ATP8B4: variants seen among roughly 807,000 people sequenced by gnomAD.
The protein encoded by ATP8B4 is probable phospholipid-transporting ATPase IM.
Under a neutral mutation model 145.6 loss-of-function variants are expected in ATP8B4, and 133 were observed. The observed-to-expected ratio is 0.91, with a 90% CI of 0.79 to 1.05. The LOEUF (loss-of-function observed/expected upper bound fraction) is 1.05, where lower values mean the gene tolerates loss of function less well. Ranked by LOEUF, ATP8B4 falls within the 50% of genes least tolerant of loss-of-function variation. The pLI, the probability that ATP8B4 is intolerant of heterozygous loss-of-function variation, is 0.00. For synonymous variants in ATP8B4, 507 were observed against 492.9 expected (o/e 1.03, Z -0.38); for missense variants, 1,458 against 1,425.2 (o/e 1.02, Z -0.37).
intron 20 of ATP8B4, chr15:49,908,078 C>A (rs539548393): frequency 1.5e-5 from 7 of 456,038 alleles, no homozygotes; most frequent in African/African-American, 8.0e-5. Flanking sequence ...ATATGTCCAA[C>A]AGGGAAAACA....
chr15:50,026,067 T>C (rs368318675), intron 6 of ATP8B4, among the ~76,000 whole-genome samples: 17 of 152,240 alleles, frequency 1.1e-4, no homozygotes, highest in African/African-American at 4.1e-4. Flanking sequence ...TTAAAGTTCT[T>C]CTTCCTTACC....
chr15:49,929,507 C>T lies in ATP8B4; in HGVS notation c.1642+1612G>A, dbSNP rs72733102. 7.5e-3 allele frequency among the ~76,000 whole-genome samples: 1,142 copies of T among 152,098 alleles called. 8 individuals are homozygous for T. Among genetic ancestry groups the T allele is most frequent in the Non-Finnish European group, 0.013 (887 of 67,978 alleles). On this transcript the variant is annotated intron_variant, in intron 16 of 27. Transcript: ENST00000284509. ...ATCCAGTGACAGGACATAACGGAAG[C>T]TGAAAATGTGTGTTTGGACTCTAGA...
chr15:50,178,415 T>A (rs2044795647), intron 1 of ATP8B4, among the ~76,000 whole-genome samples: 1 of 152,256 alleles, frequency 6.6e-6, no homozygotes, highest in South Asian at 2.1e-4. Flanking sequence ...CAAACTTGTA[T>A]AAAAACAATT....
intron 1 of ATP8B4, among the ~76,000 whole-genome samples, chr15:50,164,985 T>C (rs1238635279): frequency 6.6e-6 from 1 of 152,088 alleles, no homozygotes; most frequent in Non-Finnish European, 1.5e-5. Flanking sequence ...TTGGGAAGGG[T>C]TGTGTAGGCA....
At chr15:50,095,865 T>G (rs553113324) in intron 2 of ATP8B4, among the ~76,000 whole-genome samples, 1 of 152,334 alleles carries the variant, frequency 6.6e-6, no homozygotes, top group South Asian at 2.1e-4. Context: ...TAACAGATTT[T>G]CAAAGTAGAA....
chr15:50,052,739 T>C (rs1600093393), intron 3 of ATP8B4, among the ~76,000 whole-genome samples: 1 of 152,146 alleles, frequency 6.6e-6, no homozygotes, highest in East Asian at 1.9e-4. Context: ...GGTGGCACAC[T>C]TGGGGATCTA....
At position 50,055,028 on chromosome 15, in the gene ATP8B4, G is replaced by C. The variant is rs116058106; in HGVS notation, c.88-7564C>G. ...CCTCCTAATTACAATTTTGAATTCA[G>C]ACACTGGCACATAAACTACGTCAAT... On this transcript the variant is annotated intron_variant, in intron 3 of 27. Coordinates refer to ENST00000284509, the MANE Select transcript of ATP8B4 (RefSeq NM_024837.4). Among the ~76,000 whole-genome samples the C allele has an allele frequency of 3.8e-3, 573 of 152,166 alleles. 8 individuals are homozygous for C. Among genetic ancestry groups the C allele is most frequent in the African/African-American group, 0.013 (539 of 41,514 alleles).
At chr15:50,176,726 G>T (rs2044769133) in intron 1 of ATP8B4, among the ~76,000 whole-genome samples, 1 of 152,122 alleles carries the variant, frequency 6.6e-6, no homozygotes, top group Non-Finnish European at 1.5e-5. Context: ...TTCATCAGGA[G>T]TTTTCCCTGA....
chr15:50,138,322 A>G (rs867927647), intron 1 of ATP8B4, among the ~76,000 whole-genome samples: 3 of 121,024 alleles, frequency 2.5e-5, no homozygotes, highest in African/African-American at 3.1e-5. Flanking sequence ...AGATAGATAG[A>G]TAGGTAGATA....
intron 1 of ATP8B4, among the ~76,000 whole-genome samples, chr15:50,125,711 G>T (rs2153678417): frequency 6.6e-6 from 1 of 152,298 alleles, no homozygotes; most frequent in Non-Finnish European, 1.5e-5. Context: ...TTTTGTTCCT[G>T]ACTACCTGCC....
At chr15:50,029,043 G>A (rs1004128418) in intron 6 of ATP8B4, among the ~76,000 whole-genome samples, 1 of 151,690 alleles carries the variant, frequency 6.6e-6, no homozygotes, top group African/African-American at 2.4e-5. Context: ...GACTATCCTG[G>A]CCAACATGGT....
intron 3 of ATP8B4, among the ~76,000 whole-genome samples, chr15:50,050,711 T>A (rs1265741557): frequency 6.7e-6 from 1 of 149,574 alleles, no homozygotes; most frequent in East Asian, 1.9e-4. Flanking sequence ...TACAAATTAA[T>A]GTTAACAATT....
At chr15:49,863,179 A>G (rs2032160140) in intron 26 of ATP8B4, among the ~76,000 whole-genome samples, 1 of 152,216 alleles carries the variant, frequency 6.6e-6, no homozygotes, top group South Asian at 2.1e-4. Flanking sequence ...CCTGCCTCAG[A>G]GGAACTTGTT....
At chr15:50,122,592 T>G (rs2057280299), upstream of ATP8B4, among the ~76,000 whole-genome samples, 1 of 152,178 alleles carries the variant, frequency 6.6e-6, no homozygotes. Flanking sequence ...GATTGAAATG[T>G]CAAACCAAGT....
intron 13 of ATP8B4, among the ~76,000 whole-genome samples, chr15:49,971,881 T>A (rs2045172861): frequency 6.6e-6 from 1 of 152,138 alleles, no homozygotes; most frequent in African/African-American, 2.4e-5. Context: ...CAAATGCCCA[T>A]CAGTGATAGA....
At chr15:50,166,629 A>G (rs1347875745) in intron 1 of ATP8B4, among the ~76,000 whole-genome samples, 1 of 152,188 alleles carries the variant, frequency 6.6e-6, no homozygotes, top group Non-Finnish European at 1.5e-5. Flanking sequence ...CTTGAGTACA[A>G]TAGTCTAATG....
intron 3 of ATP8B4, among the ~76,000 whole-genome samples, chr15:50,063,225 C>T (rs977614772): frequency 1.3e-5 from 2 of 151,926 alleles, no homozygotes; most frequent in African/African-American, 4.8e-5. Flanking sequence ...TGATTAATGG[C>T]CCAACAGCAA....
chr15:49,975,154 A>G (rs184984704), intron 12 of ATP8B4, among the ~76,000 whole-genome samples: 116 of 152,292 alleles, frequency 7.6e-4, no homozygotes, highest in African/African-American at 2.8e-3. Flanking sequence ...TAAACTCTTA[A>G]TTATTTGAAA....
chr15:49,894,418 A>G (rs1197900310), intron 23 of ATP8B4, among the ~76,000 whole-genome samples: 1 of 152,150 alleles, frequency 6.6e-6, no homozygotes. Context: ...TCAGAGGCCC[A>G]ATTATTTTTA....
Sources: gnomAD v4.1 joint callset for allele counts (sites outside exome capture counted in the v4.1 genomes callset) on GRCh38, gnomAD v4.1.1 for gene constraint, MANE v1.5 for transcripts, NCBI Gene and HGNC (gene_info 2026-07-23, HGNC 2026-07-21) for gene names.